MRC2: variants seen among roughly 807,000 people sequenced by gnomAD.
MRC2 encodes C-type mannose receptor 2.
In MRC2, 84 loss-of-function variants were observed where a neutral mutation model predicts 206.2. The observed-to-expected ratio is 0.41, with a 90% CI of 0.34 to 0.49. The LOEUF (loss-of-function observed/expected upper bound fraction) is 0.49. Among genes scored for constraint, MRC2 ranks in the 20% least tolerant of loss-of-function variants. The pLI is 0.31. For synonymous variants in MRC2, 798 were observed against 800.0 expected, an observed-to-expected ratio of 1.00 and a Z score of 0.04; for missense variants, 1,676 against 2,001.5, an observed-to-expected ratio of 0.84 and a Z score of 3.10.
At position 62,664,414 on chromosome 17, in the gene MRC2, G is replaced by A. The variant is rs943077251; in HGVS notation, c.119-134G>A. Reference sequence around the variant, plus strand: ...CCTCAGAGGGTTGGTAGTGAGTACCGAGTGATTTAACGTATGAGTGACGGC... The same window carrying A: ...CCTCAGAGGGTTGGTAGTGAGTACCAAGTGATTTAACGTATGAGTGACGGC... On this transcript the variant is annotated intron_variant, in intron 1 of 29. Coordinates refer to ENST00000303375, the MANE Select transcript of MRC2 (RefSeq NM_006039.5). This position sits in a 1 kb window ranked among gnomAD's most constrained non-coding sequence, Gnocchi z 4.7. 49 of 1,017,504 alleles carry A rather than the reference G, an allele frequency of 4.8e-5. No individual in the cohort carries two copies. Among genetic ancestry groups the A allele is most frequent in the Admixed American group, 1.1e-4 (5 of 43,736 alleles). 63.0% of individuals were successfully genotyped at this position (1,017,504 alleles called of 1,614,324 possible).
chr17:62,690,382 A>C, intron 26 of MRC2, 77 bp downstream of exon 26: 1 of 1,508,974 alleles, frequency 6.6e-7, no homozygotes, highest in Admixed American at 2.1e-5. Context: ...CCATGAGTAC[A>C]TCCCCACACT....
At chr17:62,633,667 A>T (rs1454228763) in intron 1 of MRC2, among the ~76,000 whole-genome samples, 1 of 147,112 alleles carries the variant, frequency 6.8e-6, no homozygotes, top group Non-Finnish European at 1.5e-5. Context: ...GACGAAACCC[A>T]GTCACTACAG....
chr17:62,643,257 G>A (rs1434818835), intron 1 of MRC2, among the ~76,000 whole-genome samples: 2 of 150,786 alleles, frequency 1.3e-5, no homozygotes, highest in Non-Finnish European at 3.0e-5. Context: ...GAAACCGGGA[G>A]GTGGAGGTTG....
chr17:62,640,892 C>A (rs1598967892), intron 1 of MRC2, among the ~76,000 whole-genome samples: 1 of 151,654 alleles, frequency 6.6e-6, no homozygotes, highest in East Asian at 1.9e-4. Flanking sequence ...TTAGTAGAGA[C>A]AGGGTTTCAC....
chr17:62,690,596 C>G (rs755520626), intron 26 of MRC2, 46 bp from the exon 27 acceptor site: 2 of 1,542,680 alleles, frequency 1.3e-6, no homozygotes, highest in African/African-American at 1.4e-5. Context: ...GACTCTGCCC[C>G]CCCCGGAGAC....
chr17:62,691,771 C>CA (rs549279909), intron 28 of MRC2, among the ~76,000 whole-genome samples: 20,723 of 64,734 alleles, frequency 0.32, 2,545 homozygotes, highest in Non-Finnish European at 0.41. Context: ...ACCCTGTCTC[C>CA]AAAAAAAAAA....
chr17:62,633,477 TG>T (rs1419025940), intron 1 of MRC2, among the ~76,000 whole-genome samples: 1 of 128,632 alleles, frequency 7.8e-6, no homozygotes. Flanking sequence ...CACTGCAGCC[TG>T]GGCAACAGAG....
intron 1 of MRC2, among the ~76,000 whole-genome samples, chr17:62,632,437 T>C (rs529577436): frequency 9.9e-5 from 15 of 152,228 alleles, no homozygotes; most frequent in African/African-American, 3.1e-4. Flanking sequence ...CCTCCTGATT[T>C]CTCTTTCTCT....
chr17:62,647,464 T>C (rs2088504461), intron 1 of MRC2, among the ~76,000 whole-genome samples: 1 of 152,102 alleles, frequency 6.6e-6, no homozygotes, highest in African/African-American at 2.4e-5. Context: ...AGATTACAAG[T>C]GTGAGCTGCC....
chr17:62,657,614 C>T (rs922816812), intron 1 of MRC2, among the ~76,000 whole-genome samples: 41 of 150,488 alleles, frequency 2.7e-4, no homozygotes, highest in South Asian at 2.1e-4. Flanking sequence ...ACCTGATGCT[C>T]CCATGCATAT....
intron 1 of MRC2, among the ~76,000 whole-genome samples, chr17:62,657,317 A>G (rs574351873): frequency 6.6e-6 from 1 of 152,360 alleles, no homozygotes; most frequent in African/African-American, 2.4e-5. Flanking sequence ...CCCTGCTGGC[A>G]TCTATGAAAT....
Position 62,669,960 on chromosome 17 carries a change from G to T in MRC2, c.1118-1689G>T, listed in dbSNP as rs553257067. 1.4e-4 allele frequency among the ~76,000 whole-genome samples: 21 copies of T among 152,326 alleles called. 1 individual carries two copies. The South Asian group carries it at 4.1e-3, about 30-fold the overall frequency. ...ATCTAGGGCACCTCCACCTCTAGCT[G>T]GAGGGAGCCTTGGGCCCTAGTCCAG... On this transcript the variant is annotated intron_variant, in intron 6 of 29. Transcript: ENST00000303375.
At chr17:62,655,060 C>T (rs865955749) in intron 1 of MRC2, among the ~76,000 whole-genome samples, 3 of 152,086 alleles carry the variant, frequency 2.0e-5, no homozygotes, top group African/African-American at 4.8e-5. Flanking sequence ...CCGAGGCAGG[C>T]GGATCACGAG....
chr17:62,669,901 G>A (rs1018329374), intron 6 of MRC2, among the ~76,000 whole-genome samples: 3 of 152,220 alleles, frequency 2.0e-5, no homozygotes, highest in African/African-American at 4.8e-5. Flanking sequence ...TCCGTAAGGG[G>A]CCAGGAGCAG....
In MRC2 at chr17:62,627,854, T is replaced by C; in HGVS notation, c.52T>C (p.Cys18Arg). 6.8e-7 allele frequency: 1 copy of C among 1,479,910 alleles called. No homozygotes were observed. The highest frequency in any genetic ancestry group is 8.9e-7 in the Non-Finnish European group (1 of 1,123,256). The allele number at this position is 1,479,910 out of a possible 1,614,324, so 91.7% of individuals were successfully genotyped here. A position where few individuals can be genotyped will look rare whatever the true frequency, so the allele number is the denominator to read the frequency against. ...PAPWPRHLLR[C>R]VLLLGCLHLG... ...GCCCTGGCCTCGTCACCTGCTGCGC[T>C]GCGTCCTGCTCCTCGGGTGCCTGCA... The change falls in exon 1 of 30, where the codon TGC (cysteine) becomes CGC (arginine). Residue 18 changes from cysteine to arginine, a missense_variant. Cys to Arg is a radical substitution (Grantham distance 180). Coordinates refer to ENST00000303375, the MANE Select transcript of MRC2 (RefSeq NM_006039.5).
chr17:62,674,710 G>T lies in MRC2; in HGVS notation c.1569+540G>T, dbSNP rs897020329. On this transcript the variant is annotated intron_variant, in intron 9 of 29. Transcript: ENST00000303375. The stretch of plus-strand genomic sequence containing the variant: ...ATGTTTAGGGAGGTTGAGGGGGGGG[G>T]TGTCAAGGAATGAAAGCTGTGTAAG... Among the ~76,000 whole-genome samples the T allele has an allele frequency of 1.7e-4, 26 of 151,984 alleles. No individual in the cohort carries two copies. The East Asian group carries it at 4.8e-3, about 28-fold the overall frequency.
intron 1 of MRC2, among the ~76,000 whole-genome samples, chr17:62,657,564 TGCACCTTCTGTGGGGG>T (rs2088632604): frequency 6.6e-6 from 1 of 151,328 alleles, no homozygotes; most frequent in South Asian, 2.1e-4. Context: ...TGAGGGGCCC[TGCACCTTCTGTGGGGG>T]GCACTTTTGC....
rs754026119 is a variant in MRC2 at position 62,683,510 on chromosome 17, C to CTT, written c.2946+1154_2946+1155dup. 1.0e-3 allele frequency among the ~76,000 whole-genome samples: 130 copies of CTT among 123,916 alleles called. 2 individuals carry two copies. The highest frequency in any genetic ancestry group is 3.2e-3 in the African/African-American group (102 of 31,624). The allele number at this position is 123,916 out of a possible 152,430, so 81.3% of individuals were successfully genotyped here. Reference sequence around the variant, plus strand: ...AAAAAAAAAACAACAAAAAAAACACCTTTTTTTTTTTTTTTTTTTTTTACT... The same window carrying CTT: ...AAAAAAAAAACAACAAAAAAAACACCTTTTTTTTTTTTTTTTTTTTTTTTACT... On this transcript the variant is annotated intron_variant, in intron 20 of 29. Coordinates refer to ENST00000303375, the MANE Select transcript of MRC2 (RefSeq NM_006039.5).
At chr17:62,645,527 ATTTTTTTTT>A (rs1164231785) in intron 1 of MRC2, among the ~76,000 whole-genome samples, 33 of 39,526 alleles carry the variant, frequency 8.3e-4, no homozygotes, top group African/African-American at 1.9e-3. Context: ...ATATATATAT[ATTTTTTTTT>A]TTTTTTTTTT....
Sources: gnomAD v4.1 joint callset for allele counts (sites outside exome capture counted in the v4.1 genomes callset) on GRCh38, gnomAD v4.1.1 for gene constraint, Gnocchi (gnomAD v3.1) non-coding constraint, MANE v1.5 for transcripts, NCBI Gene and HGNC (gene_info 2026-07-23, HGNC 2026-07-21) for gene names.